The following GPC6 variants were observed in gnomAD, a reference collection of about 807,000 sequenced individuals.
GPC6 encodes the protein glypican 6.
Under a neutral mutation model 55.2 loss-of-function variants are expected in GPC6, and 14 were observed. That is an observed-to-expected ratio of 0.25 (90% CI 0.17 to 0.40). GPC6 has a LOEUF of 0.40. Among genes scored for constraint, GPC6 ranks in the 10% least tolerant of loss-of-function variants. The pLI, the probability that GPC6 is intolerant of heterozygous loss-of-function variation, is 1.00. For missense variants in GPC6, 641 were observed against 708.5 expected, an observed-to-expected ratio of 0.90 and a Z score of 1.08; for synonymous variants, 278 against 259.6, an observed-to-expected ratio of 1.07 and a Z score of -0.68.
chr13:93,707,147 A>G (rs1278669510), intron 2 of GPC6, among the ~76,000 whole-genome samples: 4 of 151,756 alleles, frequency 2.6e-5, no homozygotes, highest in African/African-American at 9.7e-5. Context: ...TCATTTCCAT[A>G]GTTAGAGTTA....
chr13:93,938,963 G>T (rs1056176680), intron 3 of GPC6, among the ~76,000 whole-genome samples: 1 of 152,020 alleles, frequency 6.6e-6, no homozygotes, highest in Non-Finnish European at 1.5e-5. Flanking sequence ...TTAGCTGTGC[G>T]TGGTGACACG....
At chr13:93,543,730 G>A (rs1882423003) in intron 1 of GPC6, among the ~76,000 whole-genome samples, 1 of 152,118 alleles carries the variant, frequency 6.6e-6, no homozygotes, top group Non-Finnish European at 1.5e-5. Context: ...TTGTTTTTGG[G>A]CACCTAGACT....
intron 2 of GPC6, among the ~76,000 whole-genome samples, chr13:93,618,592 T>A (rs989698643): frequency 7.2e-5 from 11 of 152,092 alleles, no homozygotes; most frequent in Admixed American, 2.6e-4. Flanking sequence ...TAATTACACT[T>A]TGGATGGAAG....
At chr13:93,230,827 G>A (rs1875979942) in intron 1 of GPC6, among the ~76,000 whole-genome samples, 1 of 152,028 alleles carries the variant, frequency 6.6e-6, no homozygotes, top group African/African-American at 2.4e-5. Context: ...AATAGCACCT[G>A]CTTAAAACTC....
intron 1 of GPC6, among the ~76,000 whole-genome samples, chr13:93,481,834 C>T (rs1879533275): frequency 6.6e-6 from 1 of 152,106 alleles, no homozygotes; most frequent in African/African-American, 2.4e-5. Flanking sequence ...TGTATTAAGA[C>T]TTGAAATTGA....
rs142937299 is a variant in GPC6 at position 93,884,466 on chromosome 13, G to A, written c.711+53921G>A. 2.6e-3 allele frequency among the ~76,000 whole-genome samples: 391 copies of A among 151,620 alleles called. 2 individuals carry two copies. Among genetic ancestry groups the A allele is most frequent in the South Asian group, 4.2e-3 (20 of 4,818 alleles). On this transcript the variant is annotated intron_variant, in intron 3 of 8. Coordinates refer to ENST00000377047, the MANE Select transcript of GPC6 (RefSeq NM_005708.5). ...ATTTTTTTTATCTTTATAAACTCTC[G>A]TTCTTCACAAAAAAAGCATTGCAAT... is the stretch of plus-strand genomic sequence containing the variant.
intron 4 of GPC6, among the ~76,000 whole-genome samples, chr13:94,239,101 G>C (rs1040744928): frequency 6.6e-6 from 1 of 152,120 alleles, no homozygotes; most frequent in African/African-American, 2.4e-5. Context: ...AGCTTACAAT[G>C]TAAGTGGTGG....
intron 2 of GPC6, among the ~76,000 whole-genome samples, chr13:93,604,108 G>A (rs756789616): frequency 3.3e-5 from 5 of 152,184 alleles, no homozygotes; most frequent in Admixed American, 1.3e-4. Flanking sequence ...ACTGATGCAT[G>A]TCCTCTGTTA....
rs1441210212 is a variant in GPC6 at position 94,165,240 on chromosome 13, A to G, written c.878-121109A>G. Among the ~76,000 whole-genome samples, 5 of 147,974 alleles carry G rather than the reference A, an allele frequency of 3.4e-5. No homozygotes were observed. The East Asian group carries it at 9.8e-4, about 29-fold the overall frequency. Reference sequence around the variant, plus strand: ...ATATAATGGAATACTATTCATATATATATGTATACATATATGTATACATAT... The same window carrying G: ...ATATAATGGAATACTATTCATATATGTATGTATACATATATGTATACATAT... On this transcript the variant is annotated intron_variant, in intron 4 of 8. Coordinates refer to ENST00000377047, the MANE Select transcript of GPC6 (RefSeq NM_005708.5).
At chr13:93,775,249 C>T (rs1885429838) in intron 2 of GPC6, among the ~76,000 whole-genome samples, 1 of 152,152 alleles carries the variant, frequency 6.6e-6, no homozygotes, top group African/African-American at 2.4e-5. Flanking sequence ...AAGTGATCCT[C>T]CTGCCTCAGC....
At chr13:93,786,844 A>G (rs1450383968) in intron 2 of GPC6, among the ~76,000 whole-genome samples, 1 of 152,194 alleles carries the variant, frequency 6.6e-6, no homozygotes, top group African/African-American at 2.4e-5. Context: ...GCACAAAACT[A>G]GTCTTTGCAT....
intron 2 of GPC6, among the ~76,000 whole-genome samples, chr13:93,736,941 T>G (rs1045543570): frequency 1.3e-5 from 2 of 152,206 alleles, no homozygotes; most frequent in African/African-American, 4.8e-5. Flanking sequence ...AATTTCCTAT[T>G]AAGCTTTGTA....
At chr13:93,954,960 T>G (rs1160852728) in intron 3 of GPC6, among the ~76,000 whole-genome samples, 1 of 152,068 alleles carries the variant, frequency 6.6e-6, no homozygotes, top group African/African-American at 2.4e-5. Flanking sequence ...AACAACCACT[T>G]TATTTCTCCA....
intron 3 of GPC6, among the ~76,000 whole-genome samples, chr13:93,876,671 A>T (rs1017757977): frequency 5.3e-5 from 8 of 152,100 alleles, no homozygotes; most frequent in African/African-American, 1.7e-4. Flanking sequence ...ACTTTAGTCC[A>T]ACCCATTTAT....
intron 1 of GPC6, among the ~76,000 whole-genome samples, chr13:93,483,101 C>T (rs1879577901): frequency 6.6e-6 from 1 of 152,108 alleles, no homozygotes. Context: ...ATGCATGTTA[C>T]AATACTGGCA....
chr13:93,576,670 T>C (rs987617550), intron 2 of GPC6, among the ~76,000 whole-genome samples: 1 of 152,174 alleles, frequency 6.6e-6, no homozygotes, highest in Admixed American at 6.6e-5. Context: ...TACAATTTCC[T>C]GAGGTACAAT....
intron 2 of GPC6, among the ~76,000 whole-genome samples, chr13:93,632,463 G>T (rs953315229): frequency 9.2e-5 from 14 of 151,670 alleles, no homozygotes; most frequent in Admixed American, 7.2e-4. Flanking sequence ...ACAAAAATTA[G>T]CCCAGCATGG....
chr13:94,342,617 C>T (rs1878098194), intron 6 of GPC6, among the ~76,000 whole-genome samples: 1 of 152,120 alleles, frequency 6.6e-6, no homozygotes, highest in South Asian at 2.1e-4. Flanking sequence ...TTTAAGTCAC[C>T]CCGTTGTGGG....
intron 2 of GPC6, among the ~76,000 whole-genome samples, chr13:93,826,299 A>T (rs1450114792): frequency 6.6e-6 from 1 of 152,218 alleles, no homozygotes; most frequent in Non-Finnish European, 1.5e-5. Flanking sequence ...AGATTAGCAG[A>T]TAACTACACA....
Sources: allele counts gnomAD v4.1 joint callset (sites outside exome capture counted in the v4.1 genomes callset), GRCh38; gene constraint gnomAD v4.1.1; transcripts MANE v1.5; gene names NCBI Gene and HGNC (gene_info 2026-07-23, HGNC 2026-07-21).